Variants in THOC2 observed in about 807,000 individuals in gnomAD.
THOC2 encodes the protein THO complex 2.
THOC2 carries 10 observed loss-of-function variants against 128.4 expected under a neutral mutation model. The ratio of observed to expected loss-of-function variants is 0.08; its 90% CI spans 0.05 to 0.13. The LOEUF (loss-of-function observed/expected upper bound fraction) is 0.13, where lower values mean the gene tolerates loss of function less well. Among genes scored for constraint, THOC2 ranks in the 10% least tolerant of loss-of-function variants. The pLI is 1.00. For synonymous variants in THOC2, 393 were observed against 396.9 expected (o/e 0.99, Z 0.12); for missense variants, 535 against 1,155.7 (o/e 0.46, Z 7.79).
chrX:123,611,017 T>TCTCCCCTTTTAGTACAGCAC (rs1367806314), intron 37 of THOC2, 54 bp from the exon 38 acceptor site: 6 of 1,132,643 alleles, frequency 5.3e-6, no homozygotes, highest in Admixed American at 4.5e-5. Flanking sequence ...AAGAACAGCA[T>TCTCCCCTTTTAGTACAGCAC]CTCCCCTTTT....
intron 4 of THOC2, among the ~76,000 whole-genome samples, chrX:123,702,521 T>G (rs1312667339): frequency 9.5e-6 from 1 of 105,379 alleles, no homozygotes; most frequent in Non-Finnish European, 1.9e-5. Flanking sequence ...TACATATATA[T>G]AATATATATT....
chrX:123,712,115 T>C (rs772547578), intron 2 of THOC2, among the ~76,000 whole-genome samples: 23 of 110,501 alleles, frequency 2.1e-4, no homozygotes, highest in Middle Eastern at 4.7e-3. Flanking sequence ...TCTAATGATT[T>C]TTGGCTTCAA....
chrX:123,654,316 G>A (rs1211534143), intron 12 of THOC2, among the ~76,000 whole-genome samples: 2 of 109,391 alleles, frequency 1.8e-5, no homozygotes, highest in East Asian at 5.7e-4. Flanking sequence ...ATGATGGGTT[G>A]ATGGGTGCAG....
intron 22 of THOC2, among the ~76,000 whole-genome samples, chrX:123,631,308 A>C (rs541450724): frequency 1.9e-4 from 21 of 112,311 alleles, no homozygotes; most frequent in African/African-American, 6.5e-4. Context: ...AAAGGGGAAG[A>C]AGCAGCCTAA....
rs2047182258 is a variant in THOC2, at chrX:123,624,266, A to G, written c.3187-75T>C. 9 of 970,195 alleles carry G rather than the reference A, an allele frequency of 9.3e-6. No homozygotes were observed. The South Asian group carries it at 2.4e-4, about 26-fold the overall frequency. 80.0% of individuals were successfully genotyped at this position (970,195 alleles called of 1,213,427 possible). On this transcript the variant is annotated intron_variant, in intron 26 of 38. Coordinates refer to ENST00000245838, the MANE Select transcript of THOC2 (RefSeq NM_001081550.2). The stretch of plus-strand genomic sequence containing the variant: ...ATAGCAGAAATTGAAACTTAAGTAG[A>G]CTAGATCAATGTTTCCGTGTAAAAA...
In THOC2 at chrX:123,609,033, A is replaced by C. The variant is rs186998950; in HGVS notation, c.*18+1885T>G. Among the ~76,000 whole-genome samples the C allele has an allele frequency of 2.7e-5, 3 of 112,399 alleles. No individual in the cohort carries two copies. The Admixed American group carries it at 2.8e-4, about 11-fold the overall frequency. On this transcript the variant is annotated intron_variant, in intron 38 of 38. Transcript: ENST00000245838. ...AATCTGTAGCATAACCTTCACATACAAAAGAATAATATTTGGGTACTGAGT... is the reference window on the plus strand; with the variant it reads ...AATCTGTAGCATAACCTTCACATACCAAAGAATAATATTTGGGTACTGAGT...
At chrX:123,673,800 C>T (rs185095647) in intron 8 of THOC2, among the ~76,000 whole-genome samples, 1 of 112,143 alleles carries the variant, frequency 8.9e-6, no homozygotes, top group Non-Finnish European at 1.9e-5. Flanking sequence ...TTTCCTCAGA[C>T]GCCTCACACT....
At position 123,726,223 on chromosome X, in the gene THOC2, T is replaced by C. The variant is rs188292744; in HGVS notation, c.71+6729A>G. On this transcript the variant is annotated intron_variant, in intron 1 of 38. Transcript: ENST00000245838. The stretch of plus-strand genomic sequence containing the variant: ...GACTCTGTCTCAAAAAAAATAATAA[T>C]AATAATAGCAGGAAGCACCATGTCT... Among the ~76,000 whole-genome samples, 3 of 95,272 alleles carry C rather than the reference T, an allele frequency of 3.1e-5. No homozygotes were observed. In the Admixed American group the frequency reaches 3.4e-4, roughly 11 times the overall value. 82.7% of individuals were successfully genotyped at this position (95,272 alleles called of 115,157 possible).
intron 4 of THOC2, 34 bp from the exon 5 acceptor site, chrX:123,697,785 T>C: frequency 1.5e-6 from 1 of 684,718 alleles, no homozygotes. Context: ...GTTTGATTGA[T>C]TTGTCTAGAC....
chrX:123,704,859 G>A (rs2050861494), intron 3 of THOC2, among the ~76,000 whole-genome samples: 1 of 110,926 alleles, frequency 9.0e-6, no homozygotes, highest in African/African-American at 3.3e-5. Flanking sequence ...CACTGTCTTG[G>A]AGAAAAAAGA....
intron 1 of THOC2, among the ~76,000 whole-genome samples, chrX:123,716,052 C>T (rs997366365): frequency 1.8e-5 from 2 of 111,297 alleles, no homozygotes; most frequent in Non-Finnish European, 3.8e-5. Flanking sequence ...CTCTTATAAA[C>T]ACAGATGAAA....
intron 21 of THOC2, among the ~76,000 whole-genome samples, chrX:123,632,489 CAAAAAAAAA>C (rs11324625): frequency 8.5e-5 from 3 of 35,161 alleles, no homozygotes; most frequent in Admixed American, 4.3e-4. Flanking sequence ...GGCTTTGTCT[CAAAAAAAAA>C]AAAAAAAAAA....
At chrX:123,620,001 A>C (rs1046133596) in intron 32 of THOC2, 2 of 110,784 alleles carry the variant, frequency 1.8e-5, no homozygotes, top group Non-Finnish European at 3.8e-5. Flanking sequence ...CACACCTCCC[A>C]CACACAAAGA....
chrX:123,618,047 G>A (rs1025892799), intron 33 of THOC2, among the ~76,000 whole-genome samples: 3 of 111,227 alleles, frequency 2.7e-5, no homozygotes, highest in African/African-American at 9.8e-5. Flanking sequence ...AATAAATAGC[G>A]GTATATAATT....
intron 38 of THOC2, among the ~76,000 whole-genome samples, chrX:123,605,966 G>C (rs1458035066): frequency 9.0e-6 from 1 of 111,251 alleles, no homozygotes; most frequent in Admixed American, 9.6e-5. Context: ...ATTCTAAAGG[G>C]GGGCAGCACC....
At chrX:123,617,029 A>G (rs1209491708) in intron 33 of THOC2, among the ~76,000 whole-genome samples, 1 of 111,214 alleles carries the variant, frequency 9.0e-6, no homozygotes, top group Non-Finnish European at 1.9e-5. Context: ...AACCCTCTAG[A>G]AAGTAAAAGC....
chrX:123,685,400 G>T (rs773890351), intron 8 of THOC2, among the ~76,000 whole-genome samples: 1 of 112,114 alleles, frequency 8.9e-6, no homozygotes, highest in East Asian at 2.8e-4. Flanking sequence ...AGTCAGCTAA[G>T]CCTTTACAGA....
At chrX:123,644,970 A>C (rs2048064458) in intron 13 of THOC2, 61 bp from the exon 14 acceptor site, 5 of 959,144 alleles carry the variant, frequency 5.2e-6, no homozygotes, top group Non-Finnish European at 7.2e-6. Flanking sequence ...ACCAACAATA[A>C]ATTTATAACA....
intron 8 of THOC2, among the ~76,000 whole-genome samples, chrX:123,684,616 G>A (rs1303584635): frequency 9.0e-6 from 1 of 111,606 alleles, no homozygotes; most frequent in African/African-American, 3.3e-5. Context: ...TCAAACTCCT[G>A]ACCTCAGGTG....
Sources: allele counts gnomAD v4.1 joint callset (sites outside exome capture counted in the v4.1 genomes callset), GRCh38; gene constraint gnomAD v4.1.1; transcripts MANE v1.5; gene names NCBI Gene and HGNC (gene_info 2026-07-23, HGNC 2026-07-21).